Variants in POLR3B observed in about 807,000 individuals in gnomAD.
POLR3B encodes RNA polymerase III subunit B, also known as DNA-directed RNA polymerase III subunit RPC2.
POLR3B carries 96 observed loss-of-function variants against 147.4 expected under a neutral mutation model. The ratio of observed to expected loss-of-function variants is 0.65; its 90% CI spans 0.55 to 0.77. POLR3B has a LOEUF of 0.77. Among genes scored for constraint, POLR3B ranks in the 30% least tolerant of loss-of-function variants. The pLI, the probability that POLR3B is intolerant of heterozygous loss-of-function variation, is 0.00. For missense variants in POLR3B, 1,036 were observed against 1,413.5 expected (o/e 0.73, Z 4.28); for synonymous variants, 461 against 485.9 (o/e 0.95, Z 0.67).
chr12:106,427,834 G>T (rs1286238160), intron 13 of POLR3B, among the ~76,000 whole-genome samples: 1 of 152,120 alleles, frequency 6.6e-6, no homozygotes, highest in African/African-American at 2.4e-5. Flanking sequence ...CTGCTGTGTA[G>T]TCAGGGTCTC....
chr12:106,400,498 C>G (rs1426515194), intron 10 of POLR3B, among the ~76,000 whole-genome samples: 3 of 152,186 alleles, frequency 2.0e-5, no homozygotes, highest in Admixed American at 1.3e-4. Flanking sequence ...ACAGAACTCT[C>G]CACCCCAAAT....
At chr12:106,403,749 G>A (rs956781410) in intron 10 of POLR3B, among the ~76,000 whole-genome samples, 1 of 142,112 alleles carries the variant, frequency 7.0e-6, no homozygotes, top group African/African-American at 2.6e-5. Context: ...TCATAGGTGG[G>A]AATTGAACAA....
intron 4 of POLR3B, among the ~76,000 whole-genome samples, chr12:106,367,883 A>G (rs1017758781): frequency 6.6e-6 from 1 of 152,170 alleles, no homozygotes; most frequent in African/African-American, 2.4e-5. Context: ...ATTCTTACCT[A>G]TAACAGTTAT....
Position 106,363,931 on chromosome 12 carries a change from G to C in POLR3B, c.105+29G>C, listed in dbSNP as rs377362682. The stretch of plus-strand genomic sequence containing the variant: ...ATTGTTTCACATTTAATAATAATTG[G>C]TTATTTTTCAGATGAAAAAGTCAAG... On this transcript the variant is annotated intron_variant, in intron 2 of 27. Coordinates refer to ENST00000228347, the MANE Select transcript of POLR3B (RefSeq NM_018082.6). 5.9e-6 allele frequency: 9 copies of C among 1,525,640 alleles called. No homozygotes were observed. The East Asian group carries it at 2.0e-4, about 34-fold the overall frequency. 94.5% of individuals were successfully genotyped at this position (1,525,640 alleles called of 1,614,324 possible). A position where few individuals can be genotyped will look rare whatever the true frequency, so the allele number is the denominator to read the frequency against.
chr12:106,497,086 A>C (rs1310825819), intron 25 of POLR3B, among the ~76,000 whole-genome samples, 168 bp downstream of exon 25: 2 of 151,426 alleles, frequency 1.3e-5, no homozygotes, highest in Non-Finnish European at 2.9e-5. Flanking sequence ...ACAAATTCGT[A>C]AACTTTTTTT....
Position 106,357,761 on chromosome 12 carries a change from A to T in POLR3B, c.-119A>T. On this transcript the variant is annotated 5_prime_UTR_variant, in exon 1 of 28. Transcript: ENST00000228347. Reference sequence around the variant, plus strand: ...CCTTTCTACCGCGTCTCTAGCTAACACGCACGGCGGGGACAGTTTAGGCCT... The same window carrying T: ...CCTTTCTACCGCGTCTCTAGCTAACTCGCACGGCGGGGACAGTTTAGGCCT... 3.0e-6 allele frequency: 3 copies of T among 1,007,794 alleles called. No individual in the cohort carries two copies. The highest frequency in any genetic ancestry group is 1.4e-5 in the South Asian group (1 of 72,874). The allele number at this position is 1,007,794 out of a possible 1,614,324, so 62.4% of individuals were successfully genotyped here. A position where few individuals can be genotyped will look rare whatever the true frequency, so the allele number is the denominator to read the frequency against.
Position 106,432,465 on chromosome 12 carries a change from C to G in POLR3B, c.1612C>G (p.Leu538Val). The G allele has an allele frequency of 6.2e-7, 1 of 1,612,732 alleles. No individual in the cohort carries two copies. Among genetic ancestry groups the G allele is most frequent in the Non-Finnish European group, 8.5e-7 (1 of 1,178,848 alleles). The stretch of plus-strand genomic sequence containing the variant: ...AGAGCTCTCTTACCCAAATGTGTTT[C>G]TTGTCTTTCTTAATGGTGGGTATAT... ...GEELSYPNVF[L>V]VFLNGNILGV... Residue 538 changes from leucine to valine, a missense_variant, in exon 15 of 28, where the codon CTT (leucine) becomes GTT (valine). Coordinates refer to ENST00000228347, the MANE Select transcript of POLR3B (RefSeq NM_018082.6).
chr12:106,421,789 T>C lies in POLR3B; in HGVS notation c.1102-5408T>C, dbSNP rs2037377310. On this transcript the variant is annotated intron_variant, in intron 12 of 27. Coordinates refer to ENST00000228347, the MANE Select transcript of POLR3B (RefSeq NM_018082.6). Reference sequence around the variant, plus strand: ...ATCTCTACTCACTGCAACCTCCACTTCCTGGGTTCAGGTGATCCTCCTGCC... The same window carrying C: ...ATCTCTACTCACTGCAACCTCCACTCCCTGGGTTCAGGTGATCCTCCTGCC... Among the ~76,000 whole-genome samples, 3 of 152,124 alleles carry C rather than the reference T, an allele frequency of 2.0e-5. No homozygotes were observed. The South Asian group carries it at 6.2e-4, about 32-fold the overall frequency.
chr12:106,497,313 A>G (rs1195137338), intron 25 of POLR3B, among the ~76,000 whole-genome samples: 2 of 151,874 alleles, frequency 1.3e-5, no homozygotes, highest in Non-Finnish European at 2.9e-5. Context: ...GAAACTGGAT[A>G]CAAGAAAATC....
At position 106,416,518 on chromosome 12, in the gene POLR3B, C is replaced by A. The variant is rs181690987; in HGVS notation, c.1101+5558C>A. Among the ~76,000 whole-genome samples, 454 of 152,290 alleles carry A rather than the reference C, an allele frequency of 3.0e-3. 1 individual carries two copies. The highest frequency in any genetic ancestry group is 9.4e-3 in the African/African-American group (390 of 41,564). On this transcript the variant is annotated intron_variant, in intron 12 of 27. Transcript: ENST00000228347. Reference sequence around the variant, plus strand: ...ATCCCAACACATTCCTGAGCATTCTCTGTGTGATTAAGTGAAGCACAGGTC... The same window carrying A: ...ATCCCAACACATTCCTGAGCATTCTATGTGTGATTAAGTGAAGCACAGGTC...
chr12:106,508,667 G>T (rs2038727919), intron 27 of POLR3B, among the ~76,000 whole-genome samples: 1 of 152,232 alleles, frequency 6.6e-6, no homozygotes, highest in Admixed American at 6.5e-5. Context: ...GGAAAGAAGA[G>T]AAATTAAAGT....
chr12:106,374,726 C>T (rs1177971057), intron 6 of POLR3B, among the ~76,000 whole-genome samples: 2 of 152,112 alleles, frequency 1.3e-5, no homozygotes, highest in Admixed American at 1.3e-4. Context: ...CCACGTTGAC[C>T]AGGATGGTCT....
chr12:106,368,908 TG>T (rs1415381352), intron 4 of POLR3B, among the ~76,000 whole-genome samples: 5 of 152,162 alleles, frequency 3.3e-5, no homozygotes, highest in Non-Finnish European at 5.9e-5. Context: ...TTTTTTTGTT[TG>T]TTTTTTTGTT....
At chr12:106,497,040 G>A (rs1389946871) in intron 25 of POLR3B, 122 bp downstream of exon 25, 1 of 957,874 alleles carries the variant, frequency 1.0e-6, no homozygotes, top group Non-Finnish European at 1.6e-6. Context: ...CCCGTGGGCG[G>A]CATGTGGCCC....
In POLR3B at chr12:106,362,056, G is replaced by A. The variant is rs543332331; in HGVS notation, c.73-1814G>A. 1.3e-4 allele frequency among the ~76,000 whole-genome samples: 20 copies of A among 152,298 alleles called. No individual in the cohort carries two copies. In the South Asian group the frequency reaches 2.3e-3, roughly 17 times the overall value. ...AATATGGAGTAATTTGGGAGAGATC[G>A]TAAGCTGAAGGGCAGGGAAGAAAGT... On this transcript the variant is annotated intron_variant, in intron 1 of 27. Coordinates refer to ENST00000228347, the MANE Select transcript of POLR3B (RefSeq NM_018082.6).
At chr12:106,368,766 A>G (rs1048773550) in intron 4 of POLR3B, among the ~76,000 whole-genome samples, 4 of 152,166 alleles carry the variant, frequency 2.6e-5, no homozygotes, top group Non-Finnish European at 5.9e-5. Context: ...CTTGCACAAA[A>G]AAGTATATTC....
intron 23 of POLR3B, among the ~76,000 whole-genome samples, chr12:106,473,796 C>T (rs1326454642): frequency 7.2e-5 from 10 of 138,736 alleles, no homozygotes; most frequent in Non-Finnish European, 1.4e-4. Flanking sequence ...GATAAACAAT[C>T]ATGTCATCTG....
At chr12:106,423,348 A>G (rs2037396080) in intron 12 of POLR3B, among the ~76,000 whole-genome samples, 1 of 152,200 alleles carries the variant, frequency 6.6e-6, no homozygotes, top group Admixed American at 6.5e-5. Flanking sequence ...ACCTTTTCAC[A>G]CATTAAAATT....
At position 106,393,013 on chromosome 12, in the gene POLR3B, C is replaced by G. The variant is rs765384151; in HGVS notation, c.724-18C>G. ...AACACAAAGCCAACACTCTTTCTAT[C>G]TTTTCTTTCCTTCCTAGGCCATGGG... On this transcript the variant is annotated intron_variant, in intron 9 of 27. Coordinates refer to ENST00000228347, the MANE Select transcript of POLR3B (RefSeq NM_018082.6). 2.2e-5 allele frequency: 35 copies of G among 1,613,998 alleles called. No homozygotes were observed. Among genetic ancestry groups the G allele is most frequent in the Non-Finnish European group, 3.0e-5 (35 of 1,179,892 alleles).
Sources: gnomAD v4.1 joint callset for allele counts (sites outside exome capture counted in the v4.1 genomes callset) on GRCh38, gnomAD v4.1.1 for gene constraint, MANE v1.5 for transcripts, NCBI Gene and HGNC (gene_info 2026-07-23, HGNC 2026-07-21) for gene names.